The following STK32B variants were observed in gnomAD, a reference collection of about 807,000 sequenced individuals.
STK32B encodes the protein serine/threonine-protein kinase 32B.
STK32B carries 43 observed loss-of-function variants against 52.6 expected under a neutral mutation model. That is an observed-to-expected ratio of 0.82 (90% CI 0.64 to 1.05). The LOEUF (loss-of-function observed/expected upper bound fraction) is 1.05, where lower values mean the gene tolerates loss of function less well. Among genes scored for constraint, STK32B ranks in the 50% least tolerant of loss-of-function variants. The pLI is 0.00. For synonymous variants in STK32B, 238 were observed against 204.3 expected (o/e 1.17, Z -1.41); for missense variants, 621 against 534.6 (o/e 1.16, Z -1.59).
intron 1 of STK32B, among the ~76,000 whole-genome samples, chr4:5,126,095 C>A (rs111624335): frequency 7.2e-5 from 11 of 152,196 alleles, no homozygotes; most frequent in African/African-American, 2.7e-4. Context: ...CCATTATGTT[C>A]CATTCCTCCA....
intron 4 of STK32B, among the ~76,000 whole-genome samples, chr4:5,332,873 A>C (rs1732370164): frequency 6.6e-6 from 1 of 152,012 alleles, no homozygotes; most frequent in Admixed American, 6.6e-5. Context: ...TATGTGCCAC[A>C]TTTTCTTAAT....
At chr4:5,245,559 T>A (rs1725382268) in intron 3 of STK32B, among the ~76,000 whole-genome samples, 1 of 152,158 alleles carries the variant, frequency 6.6e-6, no homozygotes, top group Non-Finnish European at 1.5e-5. Context: ...ATTGGAGCAT[T>A]TAGCCCATTT....
intron 3 of STK32B, among the ~76,000 whole-genome samples, chr4:5,314,957 A>G (rs1435233859): frequency 6.6e-6 from 1 of 152,216 alleles, no homozygotes; most frequent in Non-Finnish European, 1.5e-5. Context: ...GTATCATAAA[A>G]GTGAAAATTG....
intron 11 of STK32B, among the ~76,000 whole-genome samples, chr4:5,478,724 C>T (rs897743013): frequency 1.3e-5 from 2 of 152,182 alleles, no homozygotes; most frequent in African/African-American, 4.8e-5. Context: ...TACCTTGGGG[C>T]TCCATAGAAG....
intron 6 of STK32B, among the ~76,000 whole-genome samples, chr4:5,439,365 AT>A (rs1191972971): frequency 6.6e-6 from 1 of 151,614 alleles, no homozygotes; most frequent in Non-Finnish European, 1.5e-5. Context: ...GATGATGAGC[AT>A]TTTTTCATGT....
rs1282052703 is a variant in STK32B at position 5,317,457 on chromosome 4, A to T, written c.261-13763A>T. ...TATTACATATATACATAATATATAT[A>T]ATATATATGTATAATATATATATTA... On this transcript the variant is annotated intron_variant, in intron 3 of 11. Transcript: ENST00000282908. Among the ~76,000 whole-genome samples, 17 of 102,376 alleles carry T rather than the reference A, an allele frequency of 1.7e-4. 2 individuals carry two copies. Among genetic ancestry groups the T allele is most frequent in the Admixed American group, 3.8e-4 (3 of 7,942 alleles). The allele number at this position is 102,376 out of a possible 152,430, so 67.2% of individuals were successfully genotyped here.
At chr4:5,485,084 G>C (rs1048198697) in intron 11 of STK32B, among the ~76,000 whole-genome samples, 1 of 151,748 alleles carries the variant, frequency 6.6e-6, no homozygotes, top group African/African-American at 2.4e-5. Context: ...TGCTCTTCTC[G>C]TGGAGTATCT....
chr4:5,231,399 C>T (rs977837086), intron 3 of STK32B, among the ~76,000 whole-genome samples: 1 of 152,104 alleles, frequency 6.6e-6, no homozygotes, highest in East Asian at 1.9e-4. Context: ...TCGCTTGAGG[C>T]CAGGAGTTCG....
intron 3 of STK32B, among the ~76,000 whole-genome samples, chr4:5,240,723 A>G (rs1308924059): frequency 3.3e-5 from 5 of 152,160 alleles, no homozygotes; most frequent in African/African-American, 9.7e-5. Flanking sequence ...GCCTCCCAAA[A>G]TGCTGGGATT....
chr4:5,488,242 G>A (rs1350222135), intron 11 of STK32B, among the ~76,000 whole-genome samples: 2 of 152,132 alleles, frequency 1.3e-5, no homozygotes, highest in African/African-American at 4.8e-5. Context: ...AGGTTGCAGT[G>A]AGCTGAGATC....
At chr4:5,315,411 CAAT>C (rs1553870071) in intron 3 of STK32B, among the ~76,000 whole-genome samples, 1 of 149,640 alleles carries the variant, frequency 6.7e-6, no homozygotes, top group Non-Finnish European at 1.5e-5. Context: ...AAAACAGTAA[CAAT>C]AATACTCAGC....
At chr4:5,458,855 T>C (rs536426738) in intron 8 of STK32B, 8 of 152,262 alleles carry the variant, frequency 5.3e-5, no homozygotes, top group African/African-American at 1.2e-4. Flanking sequence ...GCATGACAGG[T>C]GTCGCAGCCA....
At chr4:5,338,294 C>A (rs542038015) in intron 4 of STK32B, among the ~76,000 whole-genome samples, 1 of 152,086 alleles carries the variant, frequency 6.6e-6, no homozygotes, top group South Asian at 2.1e-4. Flanking sequence ...TATTGTTCAG[C>A]GTAATACACA....
chr4:5,206,256 A>G lies in STK32B; in HGVS notation c.260+37806A>G, dbSNP rs190095543. On this transcript the variant is annotated intron_variant, in intron 3 of 11. Transcript: ENST00000282908. The stretch of plus-strand genomic sequence containing the variant: ...CTGTCTTCTCTTAGGATAATTAATC[A>G]GAATCTTCCTTTTCACTCCTGATTC... 3.7e-3 allele frequency among the ~76,000 whole-genome samples: 558 copies of G among 152,340 alleles called. 6 individuals carry two copies. The highest frequency in any genetic ancestry group is 0.03 in the South Asian group (145 of 4,826).
chr4:5,297,146 G>C (rs866878428), intron 3 of STK32B, among the ~76,000 whole-genome samples: 1 of 152,248 alleles, frequency 6.6e-6, no homozygotes, highest in African/African-American at 2.4e-5. Flanking sequence ...AGAGATATCC[G>C]CTATTAGTCT....
At chr4:5,084,434 C>T (rs1297479950) in intron 1 of STK32B, among the ~76,000 whole-genome samples, 1 of 151,942 alleles carries the variant, frequency 6.6e-6, no homozygotes, top group African/African-American at 2.4e-5. Context: ...TATGATAATT[C>T]CCTAAAATGG....
intron 2 of STK32B, among the ~76,000 whole-genome samples, chr4:5,149,469 A>G (rs141514090): frequency 3.3e-4 from 50 of 151,818 alleles, no homozygotes; most frequent in African/African-American, 1.1e-3. Context: ...TAATTTATCT[A>G]TTGACTTTGT....
At chr4:5,287,187 C>T (rs1026035195) in intron 3 of STK32B, among the ~76,000 whole-genome samples, 3 of 152,126 alleles carry the variant, frequency 2.0e-5, no homozygotes, top group South Asian at 2.1e-4. Context: ...ACTGCCAAGT[C>T]GTTTCCCAAA....
intron 3 of STK32B, among the ~76,000 whole-genome samples, chr4:5,171,434 G>T (rs1719363719): frequency 6.6e-6 from 1 of 152,024 alleles, no homozygotes; most frequent in African/African-American, 2.4e-5. Flanking sequence ...GGTTTTTATG[G>T]TTTTAGGTCT....
Sources: gnomAD v4.1 joint callset for allele counts (sites outside exome capture counted in the v4.1 genomes callset) on GRCh38, gnomAD v4.1.1 for gene constraint, MANE v1.5 for transcripts, NCBI Gene and HGNC (gene_info 2026-07-23, HGNC 2026-07-21) for gene names.